Variants in LAMA4 observed in about 807,000 individuals in gnomAD.
The protein encoded by LAMA4 is laminin subunit alpha 4, also known as laminin subunit alpha-4.
LAMA4 carries 127 observed loss-of-function variants against 207.1 expected under a neutral mutation model. The observed-to-expected ratio is 0.61, with a 90% confidence interval of 0.53 to 0.71. LAMA4 has a LOEUF of 0.71. Ranked by LOEUF, LAMA4 falls within the 30% of genes least tolerant of loss-of-function variation. LAMA4 has a pLI of 0.00. For synonymous variants in LAMA4, 761 were observed against 816.0 expected (o/e 0.93, Z 1.15); for missense variants, 2,093 against 2,246.5 (o/e 0.93, Z 1.38).
intron 25 of LAMA4, among the ~76,000 whole-genome samples, chr6:112,135,299 G>A (rs1360563716): frequency 1.3e-5 from 2 of 152,054 alleles, no homozygotes; most frequent in Non-Finnish European, 2.9e-5. Context: ...CTAACCCCTG[G>A]TGACCCCTAT....
At chr6:112,177,331 G>A (rs568396373) in intron 10 of LAMA4, among the ~76,000 whole-genome samples, 3 of 152,164 alleles carry the variant, frequency 2.0e-5, no homozygotes, top group South Asian at 2.1e-4. Flanking sequence ...TCCCTTTATC[G>A]CTACTGTGCC....
chr6:112,205,104 C>T (rs1554353818), intron 4 of LAMA4, among the ~76,000 whole-genome samples: 1 of 152,132 alleles, frequency 6.6e-6, no homozygotes, highest in Non-Finnish European at 1.5e-5. Flanking sequence ...TTTAAAAAGT[C>T]ATTTTATGTG....
intron 8 of LAMA4, 77 bp downstream of exon 8, chr6:112,187,367 AAAAAGG>A: frequency 6.6e-7 from 1 of 1,513,612 alleles, no homozygotes; most frequent in Non-Finnish European, 9.2e-7. Context: ...ACTCAGATAC[AAAAAGG>A]GGTAGAAGGA....
At position 112,120,442 on chromosome 6, in the gene LAMA4, A is replaced by G; in HGVS notation, c.4506T>C (p.Arg1502=). The stretch of plus-strand genomic sequence containing the variant: ...CATAGAAGATCATGCCATGGGAGGA[A>G]CGAGTTCTCAGACGAATGGAAAACT... The part of the protein sequence containing the change: ...KSQFSIRLRT[R]SSHGMIFYVS... The change falls in exon 33 of 39, where the codon CGT becomes CGC. Residue 1502 remains arginine (R), a synonymous_variant. Transcript: ENST00000230538. 1.9e-6 allele frequency: 3 copies of G among 1,613,962 alleles called. No homozygotes were observed. The highest frequency in any genetic ancestry group is 2.2e-5 in the South Asian group (2 of 91,084).
chr6:112,199,395 T>A (rs1189777802), intron 5 of LAMA4, among the ~76,000 whole-genome samples: 1 of 151,930 alleles, frequency 6.6e-6, no homozygotes, highest in Non-Finnish European at 1.5e-5. Context: ...CAAACTAAAT[T>A]GAATTTAACC....
At chr6:112,238,465 T>G (rs1333035602) in intron 2 of LAMA4, among the ~76,000 whole-genome samples, 6 of 152,102 alleles carry the variant, frequency 3.9e-5, no homozygotes, top group African/African-American at 1.4e-4. Flanking sequence ...ATTCCAGCAC[T>G]TTGGGAGGCC....
Position 112,130,027 on chromosome 6 carries a change from C to G in LAMA4, c.3982G>C (p.Val1328Leu). 1 of 1,612,964 alleles carries G rather than the reference C, an allele frequency of 6.2e-7. No homozygotes were observed. Among genetic ancestry groups the G allele is most frequent in the East Asian group, 2.2e-5 (1 of 44,846 alleles). ...TTACTCCCAACTCTGCTTTTATCTA[C>G]TATCAGTTCATATCTGCAAAAGAAA... is the stretch of plus-strand genomic sequence containing the variant. ...SVSPTRYELI[V>L]DKSRVGSKNP... The change falls in exon 30 of 39, where the codon GTA (valine) becomes CTA (leucine). Residue 1328 changes from valine to leucine, a missense_variant. Val to Leu is a conservative substitution (Grantham distance 32). This residue lies in a region of LAMA4 where 1,704 missense variants were observed against 1,788.4 expected (regional missense o/e 0.95). Coordinates refer to ENST00000230538, the MANE Select transcript of LAMA4 (RefSeq NM_001105206.3).
chr6:112,141,652 A>G (rs1554333334), intron 20 of LAMA4, 149 bp from the exon 21 acceptor site: 3 of 688,508 alleles, frequency 4.4e-6, no homozygotes, highest in Non-Finnish European at 7.6e-6. Context: ...GTGAGCAGGC[A>G]GTGTCTCTTC....
chr6:112,141,365 T>A lies in LAMA4; in HGVS notation c.2806A>T (p.Ile936Phe). Reference protein sequence around the residue: ...SWPAYFSIVKIERVGKHGKVF... With the variant: ...SWPAYFSIVKFERVGKHGKVF... ...GTCATGGATTCACTGTACCTTTCAA[T>A]CTTGACAATGCTGAAGTAAGCAGGC... is the stretch of plus-strand genomic sequence containing the variant. The change falls in exon 21 of 39, where the codon ATT (isoleucine) becomes TTT (phenylalanine). Residue 936 changes from isoleucine (I) to phenylalanine (F), a missense_variant. Transcript: ENST00000230538. 1.2e-6 allele frequency: 2 copies of A among 1,614,148 alleles called. No homozygotes were observed. The highest frequency in any genetic ancestry group is 1.7e-6 in the Non-Finnish European group (2 of 1,179,970).
intron 3 of LAMA4, chr6:112,213,832 A>G (rs1168924925): frequency 7.2e-6 from 3 of 417,914 alleles, no homozygotes; most frequent in Non-Finnish European, 1.3e-5. Flanking sequence ...ATATGCCTTC[A>G]AGATAAAAGC....
At chr6:112,239,346 C>A (rs1037480014) in intron 2 of LAMA4, among the ~76,000 whole-genome samples, 14 of 143,574 alleles carry the variant, frequency 9.8e-5, no homozygotes, top group Non-Finnish European at 2.0e-4. Context: ...AAAAAAGAGA[C>A]CTGAGTCTGG....
At chr6:112,240,468 G>A (rs1159962503) in intron 2 of LAMA4, among the ~76,000 whole-genome samples, 1 of 152,086 alleles carries the variant, frequency 6.6e-6, no homozygotes, top group African/African-American at 2.4e-5. Flanking sequence ...TCATCCCATT[G>A]TGCTATCAAA....
chr6:112,109,311 T>C lies in LAMA4; in HGVS notation c.*126A>G. 1 of 1,020,640 alleles carries C rather than the reference T, an allele frequency of 9.8e-7. No homozygotes were observed. Among genetic ancestry groups the C allele is most frequent in the South Asian group, 1.4e-5 (1 of 73,208 alleles). 63.2% of individuals were successfully genotyped at this position (1,020,640 alleles called of 1,614,324 possible). A position where few individuals can be genotyped will look rare whatever the true frequency, so the allele number is the denominator to read the frequency against. The stretch of plus-strand genomic sequence containing the variant: ...GAAATATCCGGTCCCTGATGATTCG[T>C]TTAAGTCCTGTTCAACTCGATGAAA... On this transcript the variant is annotated 3_prime_UTR_variant, in exon 39 of 39. Transcript: ENST00000230538.
chr6:112,144,934 C>T lies in LAMA4; in HGVS notation c.2354-1G>A, dbSNP rs1554334187. ...GGGACAACCTCGGTCAGATTTCTTA[C>T]TGCAGTTAATAAAAATTAATCATTT... is the stretch of plus-strand genomic sequence containing the variant. On this transcript the variant is annotated splice_acceptor_variant, in intron 18 of 38. Coordinates refer to ENST00000230538, the MANE Select transcript of LAMA4 (RefSeq NM_001105206.3). LOFTEE classifies it high-confidence loss of function. 7 of 1,612,502 alleles carry T rather than the reference C, an allele frequency of 4.3e-6. No homozygotes were observed. The highest frequency in any genetic ancestry group is 1.3e-5 in the African/African-American group (1 of 74,894).
chr6:112,213,833 A>T (rs1784482081), intron 3 of LAMA4: 1 of 419,206 alleles, frequency 2.4e-6, no homozygotes, highest in African/African-American at 2.0e-5. Context: ...TATGCCTTCA[A>T]GATAAAAGCA....
chr6:112,221,663 A>C (rs1293353415), intron 2 of LAMA4, among the ~76,000 whole-genome samples: 1 of 152,146 alleles, frequency 6.6e-6, no homozygotes. Context: ...TGTTTTAGCA[A>C]ATAATAAAAG....
At chr6:112,168,429 G>A (rs543945180) in intron 12 of LAMA4, among the ~76,000 whole-genome samples, 11 of 142,378 alleles carry the variant, frequency 7.7e-5, no homozygotes, top group African/African-American at 2.6e-4. Flanking sequence ...CACTGCAACC[G>A]CTGCCTCCCG....
In LAMA4 at chr6:112,203,399, A is replaced by C. The variant is rs910231376; in HGVS notation, c.423-1711T>G. Among the ~76,000 whole-genome samples, 32 of 152,238 alleles carry C rather than the reference A, an allele frequency of 2.1e-4. 1 individual carries two copies. The highest frequency in any genetic ancestry group is 1.3e-4 in the Admixed American group (2 of 15,280). On this transcript the variant is annotated intron_variant, in intron 4 of 38. Coordinates refer to ENST00000230538, the MANE Select transcript of LAMA4 (RefSeq NM_001105206.3). ...TCATCAATGTTTCAAAATGTAATTC[A>C]GAGTCTAAACTAGACGCCTTTCTGA...
intron 2 of LAMA4, among the ~76,000 whole-genome samples, chr6:112,229,031 A>G (rs1554363658): frequency 6.6e-6 from 1 of 152,104 alleles, no homozygotes; most frequent in Non-Finnish European, 1.5e-5. Flanking sequence ...AAGGTCAAGG[A>G]CTCTTTCAAA....
Sources: allele counts gnomAD v4.1 joint callset (sites outside exome capture counted in the v4.1 genomes callset), GRCh38; gene constraint gnomAD v4.1.1; regional missense constraint gnomAD v4.1.1; transcripts MANE v1.5; gene names NCBI Gene and HGNC (gene_info 2026-07-23, HGNC 2026-07-21).